The following RNF185 variants were observed in gnomAD, a reference collection of about 807,000 sequenced individuals.
RNF185 encodes ring finger protein 185.
A neutral mutation model predicts 24.9 loss-of-function variants in RNF185; 13 were observed. The observed-to-expected ratio is 0.52, with a 90% confidence interval of 0.34 to 0.83. RNF185 has a LOEUF of 0.83. Among genes scored for constraint, RNF185 ranks in the 40% least tolerant of loss-of-function variants. RNF185 has a pLI of 0.01. For missense variants in RNF185, 184 were observed against 244.7 expected (o/e 0.75, Z 1.65); for synonymous variants, 79 against 90.3 (o/e 0.88, Z 0.71).
chr22:31,197,802 C>CT (rs2048221182), intron 5 of RNF185, among the ~76,000 whole-genome samples: 1 of 151,944 alleles, frequency 6.6e-6, no homozygotes. Flanking sequence ...AGGCTGGTCT[C>CT]TAACTCCTGG....
At chr22:31,164,057 C>G (rs1019032606) in intron 1 of RNF185, among the ~76,000 whole-genome samples, 7 of 151,944 alleles carry the variant, frequency 4.6e-5, no homozygotes, top group African/African-American at 1.5e-4. Context: ...TCTCAGCTCA[C>G]TGCAACCTGT....
intron 1 of RNF185, 98 bp downstream of exon 1, chr22:31,160,401 C>G (rs776673708): frequency 1.3e-5 from 2 of 152,290 alleles, no homozygotes; most frequent in Admixed American, 1.3e-4. Flanking sequence ...GCTTGAACAT[C>G]TGAGCCCAGG....
At chr22:31,162,796 G>C (rs1253793405) in intron 1 of RNF185, among the ~76,000 whole-genome samples, 1 of 142,908 alleles carries the variant, frequency 7.0e-6, no homozygotes, top group Admixed American at 7.5e-5. Context: ...ACGGAGTCTC[G>C]CTCTGTTGCC....
intron 1 of RNF185, 113 bp from the exon 2 acceptor site, chr22:31,186,934 T>G: frequency 1.3e-6 from 1 of 777,660 alleles, no homozygotes; most frequent in Non-Finnish European, 2.1e-6. Context: ...GGAAGTCTGC[T>G]CAGGGATTCA....
At chr22:31,195,436 C>T (rs2048196238) in intron 3 of RNF185, 33 bp from the exon 4 acceptor site, 4 of 1,484,322 alleles carry the variant, frequency 2.7e-6, no homozygotes, top group Non-Finnish European at 3.7e-6. Flanking sequence ...GGGTCTTGGG[C>T]CATCCACATG....
At chr22:31,185,060 T>C (rs5749226) in intron 1 of RNF185, among the ~76,000 whole-genome samples, 12,846 of 150,772 alleles carry the variant, frequency 0.085, 827 homozygotes, top group East Asian at 0.4. Flanking sequence ...TGAGGAAAGA[T>C]AGTAATGTGG....
At position 31,187,098 on chromosome 22, in the gene RNF185, G is replaced by T. The variant is rs1307974305; in HGVS notation, c.4G>T (p.Ala2Ser). The change falls in exon 2 of 7, where the codon GCA (alanine) becomes TCA (serine). Residue 2 changes from alanine to serine, a missense_variant. By Grantham distance (99) the Ala-to-Ser change is moderately conservative (BLOSUM62 1). Coordinates refer to ENST00000326132, the MANE Select transcript of RNF185 (RefSeq NM_152267.4). The stretch of plus-strand genomic sequence containing the variant: ...AGAGCTTCGCTGACAGCCAAGGATG[G>T]CAAGCAAGGGGCCCTCGGCCTCTGC... M[A>S]SKGPSASASP... is the part of the protein sequence containing the mutation. 8 of 1,604,280 alleles carry T rather than the reference G, an allele frequency of 5.0e-6. No homozygotes were observed. The highest frequency in any genetic ancestry group is 6.8e-6 in the Non-Finnish European group (8 of 1,176,468).
intron 1 of RNF185, among the ~76,000 whole-genome samples, chr22:31,161,366 A>T (rs959079511): frequency 6.6e-6 from 1 of 152,144 alleles, no homozygotes; most frequent in African/African-American, 2.4e-5. Flanking sequence ...TCTCAAGGCA[A>T]ATGTGACTTT....
At chr22:31,165,287 A>C (rs1166187135) in intron 1 of RNF185, among the ~76,000 whole-genome samples, 1 of 152,152 alleles carries the variant, frequency 6.6e-6, no homozygotes. Context: ...CCACTAAAAA[A>C]ATTATATCTC....
intron 1 of RNF185, among the ~76,000 whole-genome samples, chr22:31,179,859 G>A (rs1403339207): frequency 5.3e-5 from 8 of 152,190 alleles, no homozygotes; most frequent in African/African-American, 1.7e-4. Flanking sequence ...GGTATGAAAT[G>A]TGTGCCTCCC....
rs1196076379 is a variant in RNF185 at position 31,198,704 on chromosome 22, CTTTTTTTTTTT to C, written c.363+1731_363+1741del. Among the ~76,000 whole-genome samples, 20 of 69,678 alleles carry C rather than the reference CTTTTTTTTTTT, an allele frequency of 2.9e-4. No homozygotes were observed. The South Asian group carries it at 0.01, about 35-fold the overall frequency. 45.7% of individuals were successfully genotyped at this position (69,678 alleles called of 152,430 possible). A position where few individuals can be genotyped will look rare whatever the true frequency, so the allele number is the denominator to read the frequency against. ...GTGAGCCACCGCGCACTGCCACTTT[CTTTTTTTTTTT>C]TTTTTTTTTTTTTTTTGAGTTTGAA... On this transcript the variant is annotated intron_variant, in intron 5 of 6. Transcript: ENST00000326132.
chr22:31,171,418 C>T (rs908530110), intron 1 of RNF185, among the ~76,000 whole-genome samples: 3 of 150,568 alleles, frequency 2.0e-5, no homozygotes, highest in East Asian at 2.0e-4. Context: ...TGACCTCAGG[C>T]GATCCACCCG....
chr22:31,186,645 T>G (rs2048101679), intron 1 of RNF185, among the ~76,000 whole-genome samples: 1 of 152,146 alleles, frequency 6.6e-6, no homozygotes, highest in South Asian at 2.1e-4. Context: ...AATCACAACC[T>G]TCCTGCCTCA....
chr22:31,204,355 AAG>A (rs2048294217), intron 6 of RNF185, 132 bp from the exon 7 acceptor site: 9 of 647,340 alleles, frequency 1.4e-5, no homozygotes, highest in Middle Eastern at 2.5e-4. Context: ...AAAAAAAAAA[AAG>A]AAATCTTTTT....
chr22:31,188,002 G>A (rs1164843540), intron 2 of RNF185, among the ~76,000 whole-genome samples: 1 of 152,068 alleles, frequency 6.6e-6, no homozygotes, highest in African/African-American at 2.4e-5. Flanking sequence ...CTAGGTAAAG[G>A]CGAAGGGTGT....
chr22:31,204,343 A>G (rs75829733), intron 6 of RNF185, 146 bp from the exon 7 acceptor site: 30 of 169,248 alleles, frequency 1.8e-4, no homozygotes, highest in Non-Finnish European at 3.5e-4. Context: ...ACTACATTTC[A>G]AAAAAAAAAA....
chr22:31,169,862 T>C (rs1924169436), intron 1 of RNF185, among the ~76,000 whole-genome samples: 1 of 151,588 alleles, frequency 6.6e-6, no homozygotes, highest in Admixed American at 6.6e-5. Flanking sequence ...ACCGTACTTC[T>C]CTACTCTGCA....
chr22:31,192,322 C>G (rs1276234959), intron 2 of RNF185, among the ~76,000 whole-genome samples: 9 of 152,108 alleles, frequency 5.9e-5, no homozygotes, highest in Admixed American at 5.9e-4. Flanking sequence ...GTGTCCTTAG[C>G]TTTTATTGGA....
In RNF185 at chr22:31,166,606, C is replaced by CCCT. The variant is rs754140129; in HGVS notation, c.-49+6319_-49+6321dup. Among the ~76,000 whole-genome samples, 910 of 147,582 alleles carry CCCT rather than the reference C, an allele frequency of 6.2e-3. 7 individuals are homozygous for CCCT. The highest frequency in any genetic ancestry group is 0.013 in the African/African-American group (538 of 39,942). ...TCCCCTTCCCCTTCCCCTTCCCTTC[C>CCCT]CCTCCTCCTCCTCCTCCTTCTTCTT... On this transcript the variant is annotated intron_variant, in intron 1 of 6. Coordinates refer to ENST00000326132, the MANE Select transcript of RNF185 (RefSeq NM_152267.4).
Sources: allele counts gnomAD v4.1 joint callset (sites outside exome capture counted in the v4.1 genomes callset), GRCh38; gene constraint gnomAD v4.1.1; transcripts MANE v1.5; gene names NCBI Gene and HGNC (gene_info 2026-07-23, HGNC 2026-07-21).